The following FNDC3A variants were observed in gnomAD, a reference collection of about 807,000 sequenced individuals.
FNDC3A encodes fibronectin type-III domain-containing protein 3A.
FNDC3A carries 32 observed loss-of-function variants against 148.9 expected under a neutral mutation model. The observed-to-expected ratio is 0.21, with a 90% CI of 0.16 to 0.29. The LOEUF (loss-of-function observed/expected upper bound fraction) is 0.29, where lower values mean the gene tolerates loss of function less well. FNDC3A is among the 10% of genes least tolerant of loss of function. The probability of loss-of-function intolerance (pLI) is 1.00; values close to 1 mark genes in which losing one functional copy is unlikely to be tolerated. For missense variants in FNDC3A, 1,191 were observed against 1,452.8 expected, an observed-to-expected ratio of 0.82 and a Z score of 2.93; for synonymous variants, 472 against 473.6, an observed-to-expected ratio of 1.00 and a Z score of 0.04.
chr13:49,145,701 A>G lies in FNDC3A; in HGVS notation c.820-77A>G, dbSNP rs987578268. ...CAGATACATTTTATTTAATCTTGAA[A>G]CCTCATTAGATATTTCACTGCTCAT... On this transcript the variant is annotated intron_variant, in intron 7 of 25. Coordinates refer to ENST00000492622, the MANE Select transcript of FNDC3A (RefSeq NM_001079673.2). The G allele has an allele frequency of 1.3e-5, 15 of 1,144,712 alleles. No homozygotes were observed. In the African/African-American group the frequency reaches 2.2e-4, roughly 17 times the overall value. The allele number at this position is 1,144,712 out of a possible 1,614,324, so 70.9% of individuals were successfully genotyped here.
chr13:48,998,045 G>C (rs924035395), intron 1 of FNDC3A, among the ~76,000 whole-genome samples: 5 of 152,092 alleles, frequency 3.3e-5, no homozygotes, highest in African/African-American at 1.2e-4. Context: ...AATGTCATTT[G>C]AAAACATGGG....
intron 1 of FNDC3A, among the ~76,000 whole-genome samples, chr13:48,990,022 T>C (rs1951883377): frequency 1.3e-5 from 2 of 152,104 alleles, no homozygotes; most frequent in African/African-American, 4.8e-5. Context: ...AGTGCTGGGA[T>C]TATAGGCGTG....
chr13:49,174,384 A>G lies in FNDC3A; in HGVS notation c.1231-51A>G, dbSNP rs1383128372. Reference sequence around the variant, plus strand: ...GTCAAGAAGGAATTGATGCGAATTTATCTTTTTACAGTAATGTACATGGTA... The same window carrying G: ...GTCAAGAAGGAATTGATGCGAATTTGTCTTTTTACAGTAATGTACATGGTA... On this transcript the variant is annotated intron_variant, in intron 11 of 25. Coordinates refer to ENST00000492622, the MANE Select transcript of FNDC3A (RefSeq NM_001079673.2). 3.4e-6 allele frequency: 5 copies of G among 1,476,800 alleles called. No homozygotes were observed. The African/African-American group carries it at 5.6e-5, about 16-fold the overall frequency. 91.5% of individuals were successfully genotyped at this position (1,476,800 alleles called of 1,614,324 possible).
At chr13:49,134,656 C>T (rs1882223330) in intron 5 of FNDC3A, among the ~76,000 whole-genome samples, 2 of 151,966 alleles carry the variant, frequency 1.3e-5, no homozygotes, top group Non-Finnish European at 1.5e-5. Flanking sequence ...AATTTCTTTG[C>T]CAAAACTTGA....
At chr13:49,177,774 A>G (rs1885106241) in intron 13 of FNDC3A, among the ~76,000 whole-genome samples, 1 of 152,202 alleles carries the variant, frequency 6.6e-6, no homozygotes, top group Non-Finnish European at 1.5e-5. Context: ...CCTTGAAAAC[A>G]TTATGCTAAA....
intron 4 of FNDC3A, among the ~76,000 whole-genome samples, chr13:49,125,689 C>A (rs1215409023): frequency 2.0e-5 from 3 of 152,114 alleles, no homozygotes; most frequent in Non-Finnish European, 2.9e-5. Context: ...ACTATTAGAG[C>A]ATCAACCCAT....
At chr13:49,037,829 T>C (rs760577577) in intron 2 of FNDC3A, among the ~76,000 whole-genome samples, 1 of 152,154 alleles carries the variant, frequency 6.6e-6, no homozygotes, top group Non-Finnish European at 1.5e-5. Context: ...CATGATAGTG[T>C]CTACAGATGG....
At chr13:49,149,901 G>C (rs1047211129) in intron 8 of FNDC3A, among the ~76,000 whole-genome samples, 1 of 152,152 alleles carries the variant, frequency 6.6e-6, no homozygotes, top group Admixed American at 6.5e-5. Context: ...ATTTCTCGCT[G>C]ATTGAATCTT....
At chr13:49,069,626 T>C (rs1325940686) in intron 2 of FNDC3A, among the ~76,000 whole-genome samples, 1 of 152,198 alleles carries the variant, frequency 6.6e-6, no homozygotes, top group African/African-American at 2.4e-5. Context: ...AACATACAAA[T>C]GTACATACAC....
At chr13:49,204,147 C>T (rs569356868) in intron 25 of FNDC3A, among the ~76,000 whole-genome samples, 19 of 152,212 alleles carry the variant, frequency 1.2e-4, no homozygotes, top group Middle Eastern at 3.4e-3. Context: ...ATAATGGAAA[C>T]CTAGAGGAAT....
chr13:49,118,675 G>T (rs1881126708), intron 4 of FNDC3A, among the ~76,000 whole-genome samples: 1 of 152,178 alleles, frequency 6.6e-6, no homozygotes, highest in African/African-American at 2.4e-5. Flanking sequence ...TGGGGGAGGG[G>T]CGTCTGCCAT....
At chr13:49,080,278 G>T (rs1248174531) in intron 3 of FNDC3A, among the ~76,000 whole-genome samples, 1 of 151,838 alleles carries the variant, frequency 6.6e-6, no homozygotes, top group Admixed American at 6.6e-5. Context: ...TTTGGATAAG[G>T]CACCACTCTT....
At position 49,207,639 on chromosome 13, in the gene FNDC3A, C is replaced by G; in HGVS notation, c.*244C>G. 2.7e-6 allele frequency: 1 copy of G among 364,660 alleles called. No homozygotes were observed. Among genetic ancestry groups the G allele is most frequent in the Admixed American group, 4.4e-5 (1 of 22,928 alleles). 22.6% of individuals were successfully genotyped at this position (364,660 alleles called of 1,614,324 possible). On this transcript the variant is annotated 3_prime_UTR_variant, in exon 26 of 26. Transcript: ENST00000492622. ...GGGTCTTCTTTTTTTCTTTCCCTCT[C>G]TCTTTTTTTAACAAATGCCTTCTTA...
At chr13:49,161,526 T>A (rs1311058161) in intron 8 of FNDC3A, among the ~76,000 whole-genome samples, 1 of 152,160 alleles carries the variant, frequency 6.6e-6, no homozygotes, top group Non-Finnish European at 1.5e-5. Flanking sequence ...GACCCCTGAA[T>A]ACAGCACACT....
At chr13:49,204,820 C>A (rs1437724940) in intron 25 of FNDC3A, among the ~76,000 whole-genome samples, 1 of 152,160 alleles carries the variant, frequency 6.6e-6, no homozygotes, top group African/African-American at 2.4e-5. Flanking sequence ...TAGAGGTCTT[C>A]CCACATCTGA....
At chr13:48,978,763 A>T (rs972886928) in intron 1 of FNDC3A, among the ~76,000 whole-genome samples, 3 of 152,106 alleles carry the variant, frequency 2.0e-5, no homozygotes, top group African/African-American at 7.2e-5. Flanking sequence ...TATTTATTCC[A>T]TTGAGCCTTT....
intron 2 of FNDC3A, among the ~76,000 whole-genome samples, chr13:49,061,817 C>T (rs1265596682): frequency 1.2e-5 from 1 of 81,746 alleles, no homozygotes; most frequent in East Asian, 3.4e-4. Context: ...CCTCTCCTCT[C>T]CTCTCCTCTC....
chr13:49,010,815 T>C (rs1952325561), intron 2 of FNDC3A, among the ~76,000 whole-genome samples: 1 of 152,216 alleles, frequency 6.6e-6, no homozygotes, highest in Non-Finnish European at 1.5e-5. Context: ...CTGACTTTTC[T>C]CTGTAGTTTT....
chr13:49,205,532 T>C (rs1428068680), intron 25 of FNDC3A, among the ~76,000 whole-genome samples: 2 of 152,174 alleles, frequency 1.3e-5, no homozygotes, highest in Admixed American at 1.3e-4. Flanking sequence ...GAAATGCTCA[T>C]TGGAGCATTT....
Sources: gnomAD v4.1 joint callset for allele counts (sites outside exome capture counted in the v4.1 genomes callset) on GRCh38, gnomAD v4.1.1 for gene constraint, MANE v1.5 for transcripts, NCBI Gene and HGNC (gene_info 2026-07-23, HGNC 2026-07-21) for gene names.